ZNF518A: variants seen among roughly 807,000 people sequenced by gnomAD.
ZNF518A encodes zinc finger protein 518A.
A neutral mutation model predicts 102.7 loss-of-function variants in ZNF518A; 47 were observed. The ratio of observed to expected loss-of-function variants is 0.46; its 90% CI spans 0.36 to 0.58. ZNF518A has a LOEUF of 0.58. Ranked by LOEUF, ZNF518A falls within the 20% of genes least tolerant of loss-of-function variation. ZNF518A has a pLI of 0.00. For synonymous variants in ZNF518A, 652 were observed against 594.6 expected, an observed-to-expected ratio of 1.10 and a Z score of -1.40; for missense variants, 1,793 against 1,699.8, an observed-to-expected ratio of 1.05 and a Z score of -0.96.
chr10:96,147,809 A>G (rs1396266843), intron 3 of ZNF518A, among the ~76,000 whole-genome samples: 1 of 152,154 alleles, frequency 6.6e-6, no homozygotes, highest in Non-Finnish European at 1.5e-5. Context: ...CACTTGGTGG[A>G]CATTATCATC....
chr10:96,186,383 T>G (rs1254877049), intron 1 of ZNF518A, among the ~76,000 whole-genome samples: 2 of 152,164 alleles, frequency 1.3e-5, no homozygotes, highest in Non-Finnish European at 2.9e-5. Flanking sequence ...AATATGCTCA[T>G]GGAACAATAA....
intron 1 of ZNF518A, among the ~76,000 whole-genome samples, chr10:96,171,148 G>A (rs1443350758): frequency 6.6e-6 from 1 of 152,074 alleles, no homozygotes; most frequent in African/African-American, 2.4e-5. Flanking sequence ...TAGGTTACAT[G>A]TAATGTTACC....
Position 96,201,023 on chromosome 10 carries a change from G to A in ZNF518A, n.36-2551G>A, listed in dbSNP as rs2083618670. On this transcript the variant is annotated intron_variant and non_coding_transcript_variant, in intron 1 of 2. Transcript: ENST00000442635. ...GAATTAGATGAAAAGCTGGGTAGGG[G>A]CCCATCCACAGTTGGGTTTCCCCCT... is the stretch of plus-strand genomic sequence containing the variant. The A allele has an allele frequency of 1.2e-6, 2 of 1,614,100 alleles. No individual in the cohort carries two copies. The highest frequency in any genetic ancestry group is 1.1e-5 in the South Asian group (1 of 91,078).
chr10:96,168,932 A>G (rs184862598), intron 1 of ZNF518A, among the ~76,000 whole-genome samples: 1 of 152,294 alleles, frequency 6.6e-6, no homozygotes, highest in African/African-American at 2.4e-5. Flanking sequence ...ATTAAATTTG[A>G]GAGGTTTTCA....
chr10:96,147,359 G>C (rs782322772), intron 3 of ZNF518A, among the ~76,000 whole-genome samples: 2 of 152,164 alleles, frequency 1.3e-5, no homozygotes, highest in African/African-American at 2.4e-5. Flanking sequence ...TGGTCCAACT[G>C]TTTGTTATCC....
At chr10:96,184,985 G>C (rs1486490930) in intron 1 of ZNF518A, among the ~76,000 whole-genome samples, 5 of 152,156 alleles carry the variant, frequency 3.3e-5, no homozygotes, top group Admixed American at 3.3e-4. Context: ...ATATTTCTTA[G>C]AGGCTTTGTT....
rs587706061 is a variant in ZNF518A, at chr10:96,187,880, C to T, written n.36-15694C>T. On this transcript the variant is annotated intron_variant and non_coding_transcript_variant, in intron 1 of 2. Transcript: ENST00000442635. Reference sequence around the variant, plus strand: ...GTTTATTTTGAGACAGAGTCTCACTCTGTGGCCCAGGCCAGAGTGCAGTGG... The same window carrying T: ...GTTTATTTTGAGACAGAGTCTCACTTTGTGGCCCAGGCCAGAGTGCAGTGG... Among the ~76,000 whole-genome samples the T allele has an allele frequency of 1.7e-3, 256 of 152,358 alleles. 5 individuals carry two copies. The highest frequency in any genetic ancestry group is 1.7e-3 in the Non-Finnish European group (116 of 68,046).
chr10:96,185,722 C>A (rs139432278), intron 1 of ZNF518A, among the ~76,000 whole-genome samples: 1 of 152,156 alleles, frequency 6.6e-6, no homozygotes, highest in Non-Finnish European at 1.5e-5. Context: ...AGGTGTCAGT[C>A]GGCCCCTACT....
intron 1 of ZNF518A, among the ~76,000 whole-genome samples, chr10:96,197,913 CA>C (rs587730449): frequency 8.7e-4 from 112 of 128,294 alleles, no homozygotes; most frequent in African/African-American, 1.2e-3. Flanking sequence ...GAGACAACAT[CA>C]AAAAAAAAAA....
rs587658494 is a variant in ZNF518A, at chr10:96,145,570, A to G, written c.-301-9756A>G. The stretch of plus-strand genomic sequence containing the variant: ...TTCATCATTCTCTTGAGTGTTTACC[A>G]TTAACTTTGACGCTTGTGTTAAAGT... On this transcript the variant is annotated intron_variant, in intron 3 of 5. Coordinates refer to ENST00000316045, the MANE Select transcript of ZNF518A (RefSeq NM_001330736.2). Among the ~76,000 whole-genome samples the G allele has an allele frequency of 5.9e-5, 9 of 152,340 alleles. No individual in the cohort carries two copies. The South Asian group carries it at 1.9e-3, about 32-fold the overall frequency.
chr10:96,204,887 G>A (rs2133966833), downstream of ZNF518A: 1 of 406,686 alleles, frequency 2.5e-6, no homozygotes, highest in African/African-American at 2.1e-5. Context: ...TGAACCCACG[G>A]GCCCTGAAAC....
Position 96,158,447 on chromosome 10 carries a change from A to G in ZNF518A, c.2125A>G (p.Thr709Ala). The G allele has an allele frequency of 1.2e-6, 2 of 1,612,844 alleles. No individual in the cohort carries two copies. The highest frequency in any genetic ancestry group is 1.7e-6 in the Non-Finnish European group (2 of 1,179,610). Residue 709 changes from threonine (T) to alanine (A), a missense_variant, in exon 6 of 6, where the codon ACT becomes GCT. Coordinates refer to ENST00000316045, the MANE Select transcript of ZNF518A (RefSeq NM_001330736.2). ...TAGCCTTTTAAATGATAAAGATGGA[A>G]CTTTAAAAGCAAAATCTGAAATTGA... ...SISLLNDKDG[T>A]LKAKSEIEEQ...
At chr10:96,168,108 A>T (rs797028677), downstream of ZNF518A, among the ~76,000 whole-genome samples, 7 of 152,194 alleles carry the variant, frequency 4.6e-5, no homozygotes, top group Non-Finnish European at 7.3e-5. Context: ...GAAGAACAAG[A>T]GTTACGAACA....
intron 1 of ZNF518A, among the ~76,000 whole-genome samples, chr10:96,173,223 A>G (rs886222859): frequency 6.6e-6 from 1 of 152,168 alleles, no homozygotes; most frequent in African/African-American, 2.4e-5. Flanking sequence ...GGAGGCTAAG[A>G]GACAACTGTT....
rs868940699 is a variant in ZNF518A at position 96,159,785 on chromosome 10, ACTG to A, written c.3469_3471del (p.Ala1157del). On this transcript the variant is annotated inframe_deletion, in exon 6 of 6. Coordinates refer to ENST00000316045, the MANE Select transcript of ZNF518A (RefSeq NM_001330736.2). Reference sequence around the variant, plus strand: ...AATTTTTAACCCTGTTTTAAATGTGACTGCTGCTAATAATCTGTCAGTAAGCAA... The same window carrying A: ...AATTTTTAACCCTGTTTTAAATGTGACTGCTAATAATCTGTCAGTAAGCAA... The A allele has an allele frequency of 5.0e-6, 8 of 1,613,544 alleles. No homozygotes were observed. In the African/African-American group the frequency reaches 1.1e-4, roughly 22 times the overall value.
chr10:96,157,816 A>G lies in ZNF518A; in HGVS notation c.1494A>G (p.Val498=), dbSNP rs945564117. 1.2e-6 allele frequency: 2 copies of G among 1,613,942 alleles called. No homozygotes were observed. The highest frequency in any genetic ancestry group is 1.7e-5 in the Admixed American group (1 of 60,032). The change falls in exon 6 of 6, where the codon GTA becomes GTG. Residue 498 remains valine (V), a synonymous_variant. Transcript: ENST00000316045. ...ACACTAATGGATTTTTAACAGGAGT[A>G]ACAACTGAGTTAAATGACACAGTTT... The part of the protein sequence containing the change: ...TLDTNGFLTG[V]TTELNDTVYM...
At chr10:96,166,150 T>G (rs948115970), downstream of ZNF518A, among the ~76,000 whole-genome samples, 7 of 152,060 alleles carry the variant, frequency 4.6e-5, no homozygotes. Context: ...GAGAGAGAAT[T>G]AGCTTTTTCT....
intron 1 of ZNF518A, among the ~76,000 whole-genome samples, chr10:96,172,163 GGAAAAA>G (rs1422794455): frequency 4.0e-5 from 6 of 150,210 alleles, no homozygotes; most frequent in Non-Finnish European, 8.9e-5. Flanking sequence ...TGAATTCACA[GGAAAAA>G]AGAAAGACAT....
chr10:96,139,080 ACAG>A (rs782718942), intron 3 of ZNF518A, among the ~76,000 whole-genome samples: 10 of 152,058 alleles, frequency 6.6e-5, no homozygotes, highest in Admixed American at 1.3e-4. Flanking sequence ...CAAGTAGGGA[ACAG>A]CAGGTGCAAA....
Sources: allele counts gnomAD v4.1 joint callset (sites outside exome capture counted in the v4.1 genomes callset), GRCh38; gene constraint gnomAD v4.1.1; transcripts MANE v1.5; gene names NCBI Gene and HGNC (gene_info 2026-07-23, HGNC 2026-07-21).